The following BBS4 variants were observed in gnomAD, a reference collection of about 807,000 sequenced individuals.
The protein encoded by BBS4 is BBSome complex member BBS4.
BBS4 carries 58 observed loss-of-function variants against 71.4 expected under a neutral mutation model. The ratio of observed to expected loss-of-function variants is 0.81; its 90% CI spans 0.66 to 1.01. BBS4 has a LOEUF of 1.01. Ranked by LOEUF, BBS4 falls within the 50% of genes least tolerant of loss-of-function variation. The pLI, the probability that BBS4 is intolerant of heterozygous loss-of-function variation, is 0.00. For synonymous variants in BBS4, 228 were observed against 216.8 expected, an observed-to-expected ratio of 1.05 and a Z score of -0.46; for missense variants, 660 against 607.9, an observed-to-expected ratio of 1.09 and a Z score of -0.90.
intron 2 of BBS4, among the ~76,000 whole-genome samples, chr15:72,699,594 G>T (rs1190766418): frequency 6.6e-6 from 1 of 151,888 alleles, no homozygotes; most frequent in African/African-American, 2.4e-5. Flanking sequence ...TTATCACTTA[G>T]AAAGTTTCCT....
chr15:72,688,994 C>T (rs978386726), intron 1 of BBS4, among the ~76,000 whole-genome samples: 8 of 151,612 alleles, frequency 5.3e-5, no homozygotes, highest in African/African-American at 1.9e-4. Context: ...TTTCTTTCTT[C>T]TGCCTATTAA....
intron 2 of BBS4, among the ~76,000 whole-genome samples, chr15:72,706,464 A>G (rs1471127460): frequency 3.3e-5 from 5 of 152,118 alleles, no homozygotes; most frequent in African/African-American, 1.2e-4. Context: ...GGTGCACTTT[A>G]TGCACTTAAC....
chr15:72,735,491 T>C (rs2065903949), intron 13 of BBS4: 1 of 518,402 alleles, frequency 1.9e-6, no homozygotes, highest in African/African-American at 1.9e-5. Context: ...GACTCTGGGC[T>C]GTTTAATTCA....
At position 72,695,197 on chromosome 15, in the gene BBS4, T is replaced by C. The variant is rs2065053978; in HGVS notation, c.45T>C (p.Ser15=). 1 of 1,606,892 alleles carries C rather than the reference T, an allele frequency of 6.2e-7. No individual in the cohort carries two copies. Among genetic ancestry groups the C allele is most frequent in the Non-Finnish European group, 8.5e-7 (1 of 1,173,672 alleles). ...TTCAGAGAACTCAATTTCCTGTATCTACTGAGTCTCAAAAACCCCGGCAGA... is the reference window on the plus strand; with the variant it reads ...TTCAGAGAACTCAATTTCCTGTATCCACTGAGTCTCAAAAACCCCGGCAGA... The part of the protein sequence containing the change: ...RVATRTQFPV[S]TESQKPRQKK... The change falls in exon 2 of 16, where the codon TCT becomes TCC. Residue 15 remains serine (S), a synonymous_variant. Coordinates refer to ENST00000268057, the MANE Select transcript of BBS4 (RefSeq NM_033028.5).
At chr15:72,723,421 A>G (rs2065611747) in intron 7 of BBS4, among the ~76,000 whole-genome samples, 1 of 152,222 alleles carries the variant, frequency 6.6e-6, no homozygotes, top group Non-Finnish European at 1.5e-5. Context: ...AAAAGTATAT[A>G]TCATAATTGA....
chr15:72,712,405 C>A, intron 4 of BBS4, 98 bp downstream of exon 4: 3 of 1,115,020 alleles, frequency 2.7e-6, no homozygotes, highest in South Asian at 2.6e-5. Flanking sequence ...CAAGTACAGT[C>A]ATGCACCACT....
chr15:72,692,719 T>A (rs1334085402), intron 1 of BBS4, among the ~76,000 whole-genome samples: 1 of 151,884 alleles, frequency 6.6e-6, no homozygotes, highest in Admixed American at 6.6e-5. Context: ...CTCAGCCTTC[T>A]GAGTAGCTAG....
rs1050164962 is a variant in BBS4, at chr15:72,709,757, G to A, written c.134G>A (p.Arg45Gln). 31 of 1,613,350 alleles carry A rather than the reference G, an allele frequency of 1.9e-5. No individual in the cohort carries two copies. Among genetic ancestry groups the A allele is most frequent in the East Asian group, 1.1e-4 (5 of 44,864 alleles). ...TGGTTGATTCATCTTCATTATATCCGGAAAGATTATGAAGCCTGCAAGGTA... is the reference window on the plus strand; with the variant it reads ...TGGTTGATTCATCTTCATTATATCCAGAAAGATTATGAAGCCTGCAAGGTA... ...QNWLIHLHYI[R>Q]KDYEACKAVI... Residue 45 changes from arginine (R) to glutamine (Q), a missense_variant, in exon 3 of 16, where the codon CGG becomes CAG. Transcript: ENST00000268057.
intron 2 of BBS4, among the ~76,000 whole-genome samples, chr15:72,698,887 A>G (rs1470010860): frequency 4.6e-5 from 7 of 152,172 alleles, no homozygotes; most frequent in African/African-American, 1.7e-4. Context: ...TCTTGTGTAT[A>G]CAGAATTATA....
chr15:72,711,691 A>G (rs752317381), intron 3 of BBS4, among the ~76,000 whole-genome samples: 7 of 152,188 alleles, frequency 4.6e-5, no homozygotes, highest in Admixed American at 3.9e-4. Flanking sequence ...GAGCTGTACA[A>G]AAATATACAG....
In BBS4 at chr15:72,700,990, GTACA is replaced by G. The variant is rs564611450; in HGVS notation, c.76+5769_76+5772del. ...TCTATTGAAATATATATACAGAAAA[GTACA>G]TACATAAATCATAATTGTACTGTGC... On this transcript the variant is annotated intron_variant, in intron 2 of 15. Coordinates refer to ENST00000268057, the MANE Select transcript of BBS4 (RefSeq NM_033028.5). Among the ~76,000 whole-genome samples, 399 of 152,134 alleles carry G rather than the reference GTACA, an allele frequency of 2.6e-3. 1 individual carries two copies. Among genetic ancestry groups the G allele is most frequent in the Non-Finnish European group, 4.7e-3 (320 of 67,988 alleles).
chr15:72,703,367 C>T (rs1166238887), intron 2 of BBS4, among the ~76,000 whole-genome samples: 1 of 152,174 alleles, frequency 6.6e-6, no homozygotes, highest in African/African-American at 2.4e-5. Context: ...CCTTGTGTTT[C>T]AAATCCTCAA....
At chr15:72,727,916 C>T (rs1489125567) in intron 8 of BBS4, 24 bp from the exon 9 acceptor site, 4 of 1,587,652 alleles carry the variant, frequency 2.5e-6, no homozygotes, top group Admixed American at 1.7e-5. Flanking sequence ...ATCTTGTTTC[C>T]CTCTGAGCAT....
chr15:72,714,926 T>C (rs1035992095), intron 4 of BBS4, among the ~76,000 whole-genome samples: 1 of 152,248 alleles, frequency 6.6e-6, no homozygotes, highest in Admixed American at 6.5e-5. Flanking sequence ...CTCTGAAAAC[T>C]ATCAGTTGGA....
At chr15:72,700,414 G>A (rs1054123827) in intron 2 of BBS4, among the ~76,000 whole-genome samples, 1 of 152,210 alleles carries the variant, frequency 6.6e-6, no homozygotes, top group Non-Finnish European at 1.5e-5. Flanking sequence ...CGCCAGCAAC[G>A]TGTGAGGATT....
chr15:72,692,681 G>A (rs2065008615), intron 1 of BBS4, among the ~76,000 whole-genome samples: 1 of 151,064 alleles, frequency 6.6e-6, no homozygotes, highest in African/African-American at 2.4e-5. Flanking sequence ...CTGCAACTCC[G>A]CTTCCTGGGC....
At chr15:72,730,797 C>G (rs2065801629) in intron 10 of BBS4, among the ~76,000 whole-genome samples, 1 of 152,138 alleles carries the variant, frequency 6.6e-6, no homozygotes, top group Non-Finnish European at 1.5e-5. Flanking sequence ...CAGCTCCCAC[C>G]TTGATACCTT....
At chr15:72,731,750 C>G (rs757065132) in intron 12 of BBS4, 24 bp downstream of exon 12, 1 of 1,613,502 alleles carries the variant, frequency 6.2e-7, no homozygotes, top group Admixed American at 1.7e-5. Flanking sequence ...ATGTGGAAAA[C>G]TCTCTCTGCC....
At chr15:72,691,316 C>T (rs1226293931) in intron 1 of BBS4, among the ~76,000 whole-genome samples, 5 of 151,942 alleles carry the variant, frequency 3.3e-5, no homozygotes, top group African/African-American at 1.2e-4. Context: ...CTTAAAATGT[C>T]GTATGTGTGC....
Sources: gnomAD v4.1 joint callset for allele counts (sites outside exome capture counted in the v4.1 genomes callset) on GRCh38, gnomAD v4.1.1 for gene constraint, MANE v1.5 for transcripts, NCBI Gene and HGNC (gene_info 2026-07-23, HGNC 2026-07-21) for gene names.